The following GRM7 variants were observed in gnomAD, a reference collection of about 807,000 sequenced individuals.
The protein encoded by GRM7 is glutamate metabotropic receptor 7.
GRM7 carries 35 observed loss-of-function variants against 84.5 expected under a neutral mutation model. The observed-to-expected ratio is 0.41, with a 90% confidence interval of 0.32 to 0.55. The LOEUF is 0.55. Among genes scored for constraint, GRM7 ranks in the 20% least tolerant of loss-of-function variants. GRM7 has a pLI of 0.19. For missense variants in GRM7, 1,003 were observed against 1,194.6 expected, an observed-to-expected ratio of 0.84 and a Z score of 2.36; for synonymous variants, 487 against 455.1, an observed-to-expected ratio of 1.07 and a Z score of -0.89.
intron 1 of GRM7, among the ~76,000 whole-genome samples, chr3:6,995,271 T>G (rs1245260817): frequency 6.6e-6 from 1 of 152,206 alleles, no homozygotes; most frequent in Non-Finnish European, 1.5e-5. Flanking sequence ...GGCAACATGA[T>G]CTCTATTCCA....
intron 1 of GRM7, among the ~76,000 whole-genome samples, chr3:6,952,951 T>G (rs1043602704): frequency 6.6e-6 from 1 of 152,220 alleles, no homozygotes; most frequent in African/African-American, 2.4e-5. Context: ...AATGGATAGT[T>G]GACTGCACAA....
chr3:7,352,057 C>CACACACACACA (rs1277659188), intron 4 of GRM7, among the ~76,000 whole-genome samples: 15 of 136,962 alleles, frequency 1.1e-4, no homozygotes, highest in African/African-American at 3.1e-4. Context: ...CACACACACA[C>CACACACACACA]CACACACACA....
At chr3:6,949,881 T>C (rs1280394268) in intron 1 of GRM7, among the ~76,000 whole-genome samples, 1 of 152,258 alleles carries the variant, frequency 6.6e-6, no homozygotes, top group African/African-American at 2.4e-5. Flanking sequence ...GTCATGTAGT[T>C]CTTGTGCCGT....
intron 9 of GRM7, among the ~76,000 whole-genome samples, chr3:7,683,007 C>T (rs970202625): frequency 4.6e-5 from 7 of 152,182 alleles, no homozygotes; most frequent in African/African-American, 1.4e-4. Flanking sequence ...TGGACTAAAG[C>T]CCAGGTCTGA....
At chr3:7,364,779 T>C (rs2125109398) in intron 4 of GRM7, among the ~76,000 whole-genome samples, 1 of 152,056 alleles carries the variant, frequency 6.6e-6, no homozygotes, top group Admixed American at 6.6e-5. Context: ...CAGTTTTTTC[T>C]CCTTATTTTT....
rs565500035 is a variant in GRM7 at position 7,012,206 on chromosome 3, T to C, written c.520-134246T>C. Among the ~76,000 whole-genome samples, 5 of 152,248 alleles carry C rather than the reference T, an allele frequency of 3.3e-5. No individual in the cohort carries two copies. The South Asian group carries it at 1.0e-3, about 32-fold the overall frequency. ...AGTGACGCCAGCCAAGTAAAGAGGA[T>C]AGGAAGGAGTGAGGATCCTAGTTCA... On this transcript the variant is annotated intron_variant, in intron 1 of 9. Transcript: ENST00000357716.
intron 9 of GRM7, among the ~76,000 whole-genome samples, chr3:7,720,277 T>C (rs1391797903): frequency 2.6e-5 from 4 of 152,224 alleles, no homozygotes; most frequent in African/African-American, 9.6e-5. Context: ...ATCTCCTTTT[T>C]TTGAGGAATG....
In GRM7 at chr3:6,948,103, G is replaced by T. The variant is rs1232021481; in HGVS notation, c.519+86196G>T. 2.0e-5 allele frequency among the ~76,000 whole-genome samples: 3 copies of T among 152,078 alleles called. No individual in the cohort carries two copies. In the East Asian group the frequency reaches 5.8e-4, roughly 29 times the overall value. On this transcript the variant is annotated intron_variant, in intron 1 of 9. Coordinates refer to ENST00000357716, the MANE Select transcript of GRM7 (RefSeq NM_000844.4). ...TATTTCTTGCCTTCTTGTAGCCTTTGAATGTGTTTGCTGTTGCTTCTCTAG... is the reference window on the plus strand; with the variant it reads ...TATTTCTTGCCTTCTTGTAGCCTTTTAATGTGTTTGCTGTTGCTTCTCTAG...
intron 7 of GRM7, among the ~76,000 whole-genome samples, chr3:7,548,234 A>G (rs946784061): frequency 1.3e-5 from 2 of 152,204 alleles, no homozygotes; most frequent in Admixed American, 6.5e-5. Context: ...TGTCAGCTCT[A>G]TTAGGTCCCA....
chr3:7,432,213 C>T (rs1052560395), intron 5 of GRM7, among the ~76,000 whole-genome samples: 1 of 152,158 alleles, frequency 6.6e-6, no homozygotes, highest in African/African-American at 2.4e-5. Flanking sequence ...AATTAATCAA[C>T]CCTTATTACC....
intron 2 of GRM7, among the ~76,000 whole-genome samples, chr3:7,164,345 C>T (rs769658353): frequency 2.5e-4 from 38 of 152,254 alleles, no homozygotes; most frequent in East Asian, 1.9e-4. Flanking sequence ...GACGACAGAG[C>T]GAGGCTCCCT....
chr3:6,972,835 TA>T (rs1693812203), intron 1 of GRM7, among the ~76,000 whole-genome samples: 1 of 152,280 alleles, frequency 6.6e-6, no homozygotes, highest in Admixed American at 6.5e-5. Flanking sequence ...AGAATCCTGC[TA>T]GGGCTAACAG....
chr3:7,224,403 A>G (rs1696913264), intron 2 of GRM7, among the ~76,000 whole-genome samples: 2 of 152,328 alleles, frequency 1.3e-5, no homozygotes, highest in South Asian at 2.1e-4. Context: ...CCAGGATTCA[A>G]TCACCTCCCA....
At chr3:7,210,690 C>T (rs1276549908) in intron 2 of GRM7, among the ~76,000 whole-genome samples, 4 of 152,088 alleles carry the variant, frequency 2.6e-5, no homozygotes, top group South Asian at 2.1e-4. Context: ...GGATAATGTT[C>T]GCCAAGAAAG....
intron 2 of GRM7, among the ~76,000 whole-genome samples, chr3:7,258,985 G>C (rs1698309699): frequency 6.6e-6 from 1 of 152,226 alleles, no homozygotes; most frequent in African/African-American, 2.4e-5. Context: ...GAAAATCAAG[G>C]TGTGCATTCT....
chr3:7,078,317 G>C (rs964061999), intron 1 of GRM7, among the ~76,000 whole-genome samples: 1 of 152,182 alleles, frequency 6.6e-6, no homozygotes, highest in Admixed American at 6.5e-5. Flanking sequence ...CCTGCCTAAG[G>C]CCTATTGATT....
chr3:7,715,992 T>C (rs1015921786), intron 9 of GRM7, among the ~76,000 whole-genome samples: 3 of 152,090 alleles, frequency 2.0e-5, no homozygotes, highest in African/African-American at 7.2e-5. Flanking sequence ...CCAGTGTTAT[T>C]CTCACCCCCT....
chr3:7,193,105 A>G (rs1276272524), intron 2 of GRM7, among the ~76,000 whole-genome samples: 4 of 152,098 alleles, frequency 2.6e-5, no homozygotes, highest in Non-Finnish European at 5.9e-5. Flanking sequence ...CTTTAGACTC[A>G]TAATTCCTAT....
intron 1 of GRM7, among the ~76,000 whole-genome samples, chr3:6,872,599 C>T (rs1574951026): frequency 1.3e-5 from 2 of 152,138 alleles, no homozygotes; most frequent in South Asian, 4.1e-4. Context: ...TCTCCTAATG[C>T]TATCCCTCCC....
Sources: gnomAD v4.1 joint callset for allele counts (sites outside exome capture counted in the v4.1 genomes callset) on GRCh38, gnomAD v4.1.1 for gene constraint, MANE v1.5 for transcripts, NCBI Gene and HGNC (gene_info 2026-07-23, HGNC 2026-07-21) for gene names.